The following PTPRN2 variants were observed in gnomAD, a reference collection of about 807,000 sequenced individuals.
PTPRN2 encodes protein tyrosine phosphatase receptor type N2.
Under a neutral mutation model 118.8 loss-of-function variants are expected in PTPRN2, and 74 were observed. The observed-to-expected ratio is 0.62, with a 90% CI of 0.52 to 0.76. The LOEUF (loss-of-function observed/expected upper bound fraction) is 0.76, where lower values mean the gene tolerates loss of function less well. PTPRN2 is among the 30% of genes least tolerant of loss of function. The probability of loss-of-function intolerance (pLI) is 0.00; values close to 1 mark genes in which losing one functional copy is unlikely to be tolerated. For synonymous variants in PTPRN2, 641 were observed against 608.0 expected, an observed-to-expected ratio of 1.05 and a Z score of -0.80; for missense variants, 1,481 against 1,394.4, an observed-to-expected ratio of 1.06 and a Z score of -0.99.
At position 157,611,672 on chromosome 7, in the gene PTPRN2, C is replaced by A. The variant is rs1802346965; in HGVS notation, c.2345-7597G>T. Among the ~76,000 whole-genome samples the A allele has an allele frequency of 6.6e-6, 1 of 152,108 alleles. No individual in the cohort carries two copies. The highest frequency in any genetic ancestry group is 6.5e-5 in the Admixed American group (1 of 15,282). On this transcript the variant is annotated intron_variant, in intron 15 of 22. Coordinates refer to ENST00000389418, the MANE Select transcript of PTPRN2 (RefSeq NM_002847.5). This position sits in a 1 kb window ranked among gnomAD's most constrained non-coding sequence, Gnocchi z 5.9. ...TGCTGTTAGGAAGAAGGACTCTGCA[C>A]ACCCACACGGGAGGGAGAGCGCCCG...
At chr7:158,353,333 G>A (rs551945419) in intron 2 of PTPRN2, among the ~76,000 whole-genome samples, 10 of 152,302 alleles carry the variant, frequency 6.6e-5, no homozygotes, top group African/African-American at 2.4e-4. Flanking sequence ...TAAAATCCAG[G>A]ACTCATGTAA....
intron 2 of PTPRN2, among the ~76,000 whole-genome samples, chr7:158,440,701 G>C (rs905063924): frequency 1.2e-4 from 18 of 147,178 alleles, no homozygotes; most frequent in Non-Finnish European, 2.7e-4. Flanking sequence ...ATGGTGATAG[G>C]GGTGGATAGT....
chr7:158,328,755 C>T (rs6955243), intron 2 of PTPRN2, among the ~76,000 whole-genome samples: 1 of 146,444 alleles, frequency 6.8e-6, no homozygotes, highest in African/African-American at 2.6e-5. Flanking sequence ...GTGTGGGTGT[C>T]AGTGACATCT....
At position 158,131,337 on chromosome 7, in the gene PTPRN2, ATG is replaced by A. The variant is rs768350235; in HGVS notation, c.1556+2338_1556+2339del. On this transcript the variant is annotated intron_variant, in intron 9 of 22. Transcript: ENST00000389418. ...CTACCCCACATACACACTCATACAC[ATG>A]CACATTTGCACAAACCAATACACAT... Among the ~76,000 whole-genome samples, 1,232 of 148,900 alleles carry A rather than the reference ATG, an allele frequency of 8.3e-3. 13 individuals carry two copies. Among genetic ancestry groups the A allele is most frequent in the Non-Finnish European group, 0.014 (918 of 67,160 alleles).
chr7:158,334,096 G>T (rs369082175), intron 2 of PTPRN2, among the ~76,000 whole-genome samples: 3 of 42,560 alleles, frequency 7.0e-5, no homozygotes, highest in South Asian at 2.2e-3. Context: ...ACCATAAGAG[G>T]TGACACCTGC....
chr7:158,382,307 C>A (rs1470996232), intron 2 of PTPRN2, among the ~76,000 whole-genome samples: 1 of 152,152 alleles, frequency 6.6e-6, no homozygotes, highest in African/African-American at 2.4e-5. Context: ...GCTGAAGACC[C>A]CTCCACCATG....
At chr7:158,241,967 C>T (rs964852600) in intron 3 of PTPRN2, among the ~76,000 whole-genome samples, 4 of 152,124 alleles carry the variant, frequency 2.6e-5, no homozygotes, top group South Asian at 2.1e-4. Flanking sequence ...AGTCGCAAAC[C>T]GAGGGGTCCT....
chr7:158,072,114 G>A (rs1159233851), intron 11 of PTPRN2, among the ~76,000 whole-genome samples: 3 of 143,616 alleles, frequency 2.1e-5, no homozygotes, highest in African/African-American at 5.2e-5. Context: ...AGGTGCTCAT[G>A]GTGGTGGAGG....
intron 12 of PTPRN2, among the ~76,000 whole-genome samples, chr7:157,748,625 C>CCGG (rs1801208269): frequency 3.1e-4 from 22 of 70,488 alleles, no homozygotes; most frequent in Admixed American, 7.0e-4. Context: ...GGGCTGTTGA[C>CCGG]GTGATTCTGA....
intron 3 of PTPRN2, among the ~76,000 whole-genome samples, chr7:158,312,873 CAT>C (rs1422655847): frequency 3.3e-5 from 5 of 151,008 alleles, no homozygotes; most frequent in Admixed American, 6.6e-5. Context: ...GATGTCTACA[CAT>C]GAGCATGTGT....
intron 21 of PTPRN2, 97 bp downstream of exon 21, chr7:157,568,805 T>A: frequency 7.5e-7 from 1 of 1,329,468 alleles, no homozygotes; most frequent in South Asian, 1.2e-5. Flanking sequence ...AGCAGCGAAT[T>A]TTTTCCAGGG....
intron 3 of PTPRN2, among the ~76,000 whole-genome samples, chr7:158,307,412 GAAT>G (rs1188336730): frequency 6.6e-6 from 1 of 151,788 alleles, no homozygotes; most frequent in Non-Finnish European, 1.5e-5. Flanking sequence ...GAAAAAAAAA[GAAT>G]AATAAAAAAT....
chr7:157,691,781 C>T (rs925752543), intron 12 of PTPRN2, among the ~76,000 whole-genome samples: 2 of 152,184 alleles, frequency 1.3e-5, no homozygotes, highest in Non-Finnish European at 2.9e-5. Context: ...GCCCACATAA[C>T]CCCCGGCCCC....
intron 11 of PTPRN2, among the ~76,000 whole-genome samples, chr7:157,936,102 G>T (rs58355205): frequency 6.6e-6 from 1 of 152,134 alleles, no homozygotes; most frequent in Non-Finnish European, 1.5e-5. Flanking sequence ...AAAGTGAACC[G>T]ATCGTAGGTG....
intron 14 of PTPRN2, among the ~76,000 whole-genome samples, chr7:157,637,608 T>A (rs951638406): frequency 1.3e-5 from 2 of 152,228 alleles, no homozygotes; most frequent in African/African-American, 4.8e-5. Context: ...AAAGCCCATA[T>A]GGCCAAAACG....
chr7:158,004,909 A>G (rs550546773), intron 11 of PTPRN2, among the ~76,000 whole-genome samples: 100 of 152,176 alleles, frequency 6.6e-4, no homozygotes, highest in Non-Finnish European at 1.2e-3. Context: ...CTCTTAGGGT[A>G]TGAAGTGTGT....
intron 2 of PTPRN2, among the ~76,000 whole-genome samples, chr7:158,466,811 C>A (rs1366137151): frequency 6.6e-6 from 1 of 152,128 alleles, no homozygotes; most frequent in Admixed American, 6.5e-5. Context: ...GAGGCTGAGG[C>A]GGGTGGATCA....
rs1409933556 is a variant in PTPRN2, at chr7:157,794,764, C to G, written c.1788+103909G>C. ...TGGAGTTGTGGAGACAGCTCACCAGCAGAACAGTGAGCTACCTTCTCTCCC... is the reference window on the plus strand; with the variant it reads ...TGGAGTTGTGGAGACAGCTCACCAGGAGAACAGTGAGCTACCTTCTCTCCC... On this transcript the variant is annotated intron_variant, in intron 12 of 22. Coordinates refer to ENST00000389418, the MANE Select transcript of PTPRN2 (RefSeq NM_002847.5). This position sits in a 1 kb window ranked among gnomAD's most constrained non-coding sequence, Gnocchi z 5.2. Among the ~76,000 whole-genome samples, 1 of 152,206 alleles carries G rather than the reference C, an allele frequency of 6.6e-6. No individual in the cohort carries two copies. The highest frequency in any genetic ancestry group is 1.5e-5 in the Non-Finnish European group (1 of 68,032).
chr7:157,968,594 C>T (rs374997239), intron 11 of PTPRN2, among the ~76,000 whole-genome samples: 186 of 152,314 alleles, frequency 1.2e-3, no homozygotes, highest in African/African-American at 4.0e-3. Context: ...TCAGCAGGTG[C>T]CGGCTGGGGC....
Sources: gnomAD v4.1 joint callset for allele counts (sites outside exome capture counted in the v4.1 genomes callset) on GRCh38, gnomAD v4.1.1 for gene constraint, Gnocchi (gnomAD v3.1) non-coding constraint, MANE v1.5 for transcripts, NCBI Gene and HGNC (gene_info 2026-07-23, HGNC 2026-07-21) for gene names.